SMARCA2: variants seen among roughly 807,000 people sequenced by gnomAD.
SMARCA2 encodes the protein SWI/SNF-related matrix-associated actin-dependent regulator of chromatin subfamily A member 2.
A neutral mutation model predicts 199.8 loss-of-function variants in SMARCA2; 61 were observed. The ratio of observed to expected loss-of-function variants is 0.31; its 90% CI spans 0.25 to 0.38. SMARCA2 has a LOEUF of 0.38. Among genes scored for constraint, SMARCA2 ranks in the 10% least tolerant of loss-of-function variants. The pLI is 1.00. For missense variants in SMARCA2, 1,344 were observed against 2,012.2 expected (o/e 0.67, Z 6.35); for synonymous variants, 935 against 732.0 (o/e 1.28, Z -4.48).
intron 12 of SMARCA2, among the ~76,000 whole-genome samples, chr9:2,075,762 A>G (rs1250808685): frequency 6.6e-6 from 1 of 152,068 alleles, no homozygotes; most frequent in Non-Finnish European, 1.5e-5. Context: ...GGTTCAAGCG[A>G]TTCTCCTGCC....
chr9:2,127,193 C>T (rs1009958955), intron 27 of SMARCA2, among the ~76,000 whole-genome samples: 14 of 152,052 alleles, frequency 9.2e-5, no homozygotes, highest in African/African-American at 3.4e-4. Flanking sequence ...TCACAGTTTC[C>T]TAGTATTCTC....
At chr9:2,096,570 C>T in intron 19 of SMARCA2, 87 bp from the exon 20 acceptor site, 1 of 811,840 alleles carries the variant, frequency 1.2e-6, no homozygotes, top group Non-Finnish European at 2.2e-6. Context: ...CTTTGTGCTT[C>T]CAGGAGTGAC....
rs1424001395 is a variant in SMARCA2, at chr9:2,161,814, C to T, written c.4110C>T (p.Arg1370=). Residue 1370 remains arginine (R), a synonymous_variant, in exon 28 of 34, where the codon CGC becomes CGT. Transcript: ENST00000349721. The surrounding 1 kb of genome is among the most constrained non-coding windows in gnomAD (Gnocchi z 4.7). The stretch of plus-strand genomic sequence containing the variant: ...AAAAAGCTAAGAAGAGAAGAGGCCG[C>T]CCTCCCGCTGAGAAACTGTCACCAA... ...DVEKAKKRRG[R]PPAEKLSPNP... is the part of the protein sequence containing the mutation. The T allele has an allele frequency of 1.2e-6, 2 of 1,613,890 alleles. No individual in the cohort carries two copies. Among genetic ancestry groups the T allele is most frequent in the Non-Finnish European group, 1.7e-6 (2 of 1,179,926 alleles).
At chr9:2,036,215 C>T (rs1819325783) in intron 3 of SMARCA2, among the ~76,000 whole-genome samples, 1 of 150,424 alleles carries the variant, frequency 6.6e-6, no homozygotes, top group South Asian at 2.1e-4. Context: ...TGTATGTGTG[C>T]GTGTAGAGAA....
intron 31 of SMARCA2, among the ~76,000 whole-genome samples, chr9:2,182,934 G>A (rs1053549014): frequency 1.3e-5 from 2 of 151,966 alleles, no homozygotes; most frequent in Non-Finnish European, 2.9e-5. Context: ...GGGATTACAG[G>A]CATGCGCCAC....
chr9:2,024,411 G>C (rs1253524412), intron 1 of SMARCA2, among the ~76,000 whole-genome samples: 1 of 152,080 alleles, frequency 6.6e-6, no homozygotes, highest in East Asian at 1.9e-4. Flanking sequence ...TTCCGTATCA[G>C]ACTTCCAGAG....
At chr9:2,091,162 A>T (rs1253522532) in intron 19 of SMARCA2, among the ~76,000 whole-genome samples, 1 of 152,198 alleles carries the variant, frequency 6.6e-6, no homozygotes. Context: ...TGACAAATGA[A>T]GAGTTGTGTT....
intron 27 of SMARCA2, among the ~76,000 whole-genome samples, chr9:2,142,360 G>C (rs771870185): frequency 2.0e-5 from 3 of 152,208 alleles, no homozygotes; most frequent in Non-Finnish European, 4.4e-5. Flanking sequence ...CATATTGGTT[G>C]TTTCAAAGTT....
rs113581922 is a variant in SMARCA2 at position 2,065,139 on chromosome 9, G to C, written c.1692+4153G>C. 2.0e-5 allele frequency among the ~76,000 whole-genome samples: 3 copies of C among 152,068 alleles called. No homozygotes were observed. In the East Asian group the frequency reaches 5.8e-4, roughly 30 times the overall value. ...GGCAGAGGTTGCAGTGAGCCGAGAC[G>C]GCGCCACTGCACTCCAGCCTGGGCG... is the stretch of plus-strand genomic sequence containing the variant. On this transcript the variant is annotated intron_variant, in intron 9 of 33. Coordinates refer to ENST00000349721, the MANE Select transcript of SMARCA2 (RefSeq NM_003070.5).
At chr9:2,071,452 T>A (rs1821084445) in intron 10 of SMARCA2, among the ~76,000 whole-genome samples, 1 of 152,182 alleles carries the variant, frequency 6.6e-6, no homozygotes, top group Non-Finnish European at 1.5e-5. Flanking sequence ...CAGCCTTACC[T>A]AAGAATGCCT....
At chr9:2,113,212 T>C (rs1823078494) in intron 24 of SMARCA2, among the ~76,000 whole-genome samples, 1 of 152,182 alleles carries the variant, frequency 6.6e-6, no homozygotes, top group Non-Finnish European at 1.5e-5. Flanking sequence ...TGTTGCTGAT[T>C]GAGGACCCTA....
chr9:2,181,203 C>T (rs6475560), intron 29 of SMARCA2: 116,058 of 154,694 alleles, frequency 0.75, 44,033 homozygotes, highest in East Asian at 0.86. Context: ...TATATATGTA[C>T]GTGTATATAT....
chr9:2,167,905 G>T (rs1481103692), intron 28 of SMARCA2, among the ~76,000 whole-genome samples: 1 of 152,078 alleles, frequency 6.6e-6, no homozygotes, highest in East Asian at 1.9e-4. Context: ...GCTGGCCTGG[G>T]GAATTCAGGG....
intron 7 of SMARCA2, among the ~76,000 whole-genome samples, chr9:2,057,286 G>A (rs1214860017): frequency 6.6e-6 from 1 of 152,196 alleles, no homozygotes; most frequent in East Asian, 1.9e-4. Context: ...GTGGAAGCAG[G>A]CCAAGAAAGC....
chr9:2,142,403 CT>C (rs539245157), intron 27 of SMARCA2, among the ~76,000 whole-genome samples: 213 of 152,236 alleles, frequency 1.4e-3, no homozygotes, highest in Non-Finnish European at 2.6e-3. Flanking sequence ...GCAGAGGGAA[CT>C]TCCTTATGCT....
chr9:2,039,776 A>AGCAGCAGCAG lies in SMARCA2; in HGVS notation c.666_667insGCAGCAGCAG (p.Gln223AlafsTer39), dbSNP rs1819505148. The AGCAGCAGCAG allele has an allele frequency of 7.1e-7, 1 of 1,405,578 alleles. No homozygotes were observed. Among genetic ancestry groups the AGCAGCAGCAG allele is most frequent in the African/African-American group, 1.4e-5 (1 of 69,594 alleles). The allele number at this position is 1,405,578 out of a possible 1,614,324, so 87.1% of individuals were successfully genotyped here. On this transcript the variant is annotated frameshift_variant, in exon 4 of 34. Transcript: ENST00000349721. LOFTEE classifies it high-confidence loss of function. This position sits in a 1 kb window ranked among gnomAD's most constrained non-coding sequence, Gnocchi z 4.8. ...GCTTGCAGCAACAACAGCAGCAGCAACAGCAGCAGCAGCAGCAGCAGCAGC... is the reference window on the plus strand; with the variant it reads ...GCTTGCAGCAACAACAGCAGCAGCAAGCAGCAGCAGCAGCAGCAGCAGCAGCAGCAGCAGC...
At chr9:2,091,727 T>C (rs1822070943) in intron 19 of SMARCA2, among the ~76,000 whole-genome samples, 1 of 152,226 alleles carries the variant, frequency 6.6e-6, no homozygotes, top group Admixed American at 6.5e-5. Context: ...CAGAAATATA[T>C]GACCATTCCA....
chr9:2,152,241 C>G (rs767617686), intron 27 of SMARCA2, among the ~76,000 whole-genome samples: 1 of 152,304 alleles, frequency 6.6e-6, no homozygotes, highest in Middle Eastern at 3.4e-3. Flanking sequence ...TTTTGGAAGA[C>G]AACCCTATCA....
intron 21 of SMARCA2, among the ~76,000 whole-genome samples, chr9:2,100,448 G>A (rs1161329374): frequency 1.3e-5 from 2 of 152,076 alleles, no homozygotes; most frequent in African/African-American, 4.8e-5. Flanking sequence ...CATCCAATAA[G>A]CCTAGCACTT....
Sources: gnomAD v4.1 joint callset for allele counts (sites outside exome capture counted in the v4.1 genomes callset) on GRCh38, gnomAD v4.1.1 for gene constraint, Gnocchi (gnomAD v3.1) non-coding constraint, MANE v1.5 for transcripts, NCBI Gene and HGNC (gene_info 2026-07-23, HGNC 2026-07-21) for gene names.